Variants in SPAG17 observed in about 807,000 individuals in gnomAD.
SPAG17 encodes the protein sperm associated antigen 17.
A neutral mutation model predicts 273.6 loss-of-function variants in SPAG17; 169 were observed. The ratio of observed to expected loss-of-function variants is 0.62; its 90% CI spans 0.55 to 0.70. The LOEUF (loss-of-function observed/expected upper bound fraction) is 0.70. Among genes scored for constraint, SPAG17 ranks in the 30% least tolerant of loss-of-function variants. The pLI, the probability that SPAG17 is intolerant of heterozygous loss-of-function variation, is 0.00. For synonymous variants in SPAG17, 825 were observed against 873.2 expected (o/e 0.94, Z 0.97); for missense variants, 2,557 against 2,627.8 (o/e 0.97, Z 0.59).
At chr1:118,113,383 A>G (rs763338513) in intron 4 of SPAG17, among the ~76,000 whole-genome samples, 2 of 152,088 alleles carry the variant, frequency 1.3e-5, no homozygotes, top group Admixed American at 6.5e-5. Context: ...TCCTTGGCTG[A>G]CAAGCATTAA....
At chr1:118,116,521 C>T (rs909098892) in intron 3 of SPAG17, among the ~76,000 whole-genome samples, 8 of 152,176 alleles carry the variant, frequency 5.3e-5, no homozygotes, top group Non-Finnish European at 8.8e-5. Context: ...CTGCATCTCA[C>T]GGAGCTGTGT....
chr1:118,126,597 T>C (rs1003102142), intron 3 of SPAG17, among the ~76,000 whole-genome samples: 1 of 152,128 alleles, frequency 6.6e-6, no homozygotes, highest in African/African-American at 2.4e-5. Flanking sequence ...CTTTGTCAGA[T>C]GAATAATTTG....
At chr1:118,092,370 A>G (rs995213358) in intron 8 of SPAG17, among the ~76,000 whole-genome samples, 1 of 152,120 alleles carries the variant, frequency 6.6e-6, no homozygotes, top group Non-Finnish European at 1.5e-5. Flanking sequence ...GATATAAACC[A>G]GACTCTCAAC....
intron 41 of SPAG17, 83 bp downstream of exon 41, chr1:117,984,600 A>G: frequency 1.1e-6 from 1 of 873,582 alleles, no homozygotes. Context: ...CAGCATCAGG[A>G]AAGACAGATT....
At chr1:118,160,014 G>A (rs772085032) in intron 1 of SPAG17, among the ~76,000 whole-genome samples, 4 of 152,148 alleles carry the variant, frequency 2.6e-5, no homozygotes, top group Admixed American at 6.5e-5. Context: ...AAAAGGAAAC[G>A]AGCTTCTTTG....
At chr1:117,957,231 C>T (rs940514081) in intron 48 of SPAG17, 1 of 1,595,370 alleles carries the variant, frequency 6.3e-7, no homozygotes, top group Non-Finnish European at 8.5e-7. Flanking sequence ...CATGTCTGTT[C>T]AGCAGAACTG....
At chr1:118,133,157 T>A (rs533911701) in intron 3 of SPAG17, among the ~76,000 whole-genome samples, 97 of 152,166 alleles carry the variant, frequency 6.4e-4, no homozygotes, top group African/African-American at 2.3e-3. Flanking sequence ...CCTGAAGGCA[T>A]GAATATCCTC....
In SPAG17 at chr1:118,031,439, C is replaced by T. The variant is rs544159522; in HGVS notation, c.3609+253G>A. On this transcript the variant is annotated intron_variant, in intron 25 of 48. Transcript: ENST00000336338. ...GAAATAGAGTGGAAAAAAGGTTGAA[C>T]TAAGTTTTTCCAAACTTAGAATGAA... Among the ~76,000 whole-genome samples, 3 of 152,202 alleles carry T rather than the reference C, an allele frequency of 2.0e-5. No homozygotes were observed. In the East Asian group the frequency reaches 5.8e-4, roughly 29 times the overall value.
chr1:118,095,164 C>T (rs1408244049), intron 7 of SPAG17, among the ~76,000 whole-genome samples: 1 of 152,150 alleles, frequency 6.6e-6, no homozygotes, highest in Non-Finnish European at 1.5e-5. Context: ...ATAGCCACTA[C>T]CACTTTCTTT....
chr1:117,954,400 A>C (rs1651854275), intron 48 of SPAG17, among the ~76,000 whole-genome samples: 1 of 152,140 alleles, frequency 6.6e-6, no homozygotes, highest in Non-Finnish European at 1.5e-5. Context: ...ACATTGTCCA[A>C]GCTCATTCAT....
intron 3 of SPAG17, among the ~76,000 whole-genome samples, chr1:118,139,203 T>C (rs1390847436): frequency 6.6e-6 from 1 of 152,126 alleles, no homozygotes; most frequent in South Asian, 2.1e-4. Context: ...ACAACAGATA[T>C]ATGAACAATG....
At chr1:118,138,116 T>C (rs566480329) in intron 3 of SPAG17, among the ~76,000 whole-genome samples, 70 of 152,310 alleles carry the variant, frequency 4.6e-4, no homozygotes, top group Admixed American at 6.5e-4. Context: ...TGGCTGGAAG[T>C]TGTGAACAAT....
At chr1:118,117,728 C>A (rs1427468035) in intron 3 of SPAG17, among the ~76,000 whole-genome samples, 1 of 152,202 alleles carries the variant, frequency 6.6e-6, no homozygotes, top group Admixed American at 6.5e-5. Flanking sequence ...TGGAGGCAGA[C>A]TTGATGCGCC....
chr1:118,108,542 T>C (rs1656550297), intron 4 of SPAG17, among the ~76,000 whole-genome samples: 1 of 152,166 alleles, frequency 6.6e-6, no homozygotes, highest in Admixed American at 6.6e-5. Context: ...CATGTTCCCA[T>C]ACTAAGGTCA....
chr1:118,037,262 A>C (rs945969177), intron 23 of SPAG17, among the ~76,000 whole-genome samples: 3 of 152,226 alleles, frequency 2.0e-5, no homozygotes, highest in Non-Finnish European at 2.9e-5. Flanking sequence ...ACTTTTTTAC[A>C]TTTTAAAACA....
At chr1:117,962,561 G>C (rs1372888031) in intron 48 of SPAG17, 1 of 143,892 alleles carries the variant, frequency 6.9e-6, no homozygotes, top group Non-Finnish European at 1.5e-5. Context: ...AAAAAAAAAA[G>C]GCTCTTGAAT....
rs530413142 is a variant in SPAG17 at position 118,161,794 on chromosome 1, C to T, written c.88-10425G>A. Among the ~76,000 whole-genome samples the T allele has an allele frequency of 9.3e-4, 141 of 152,280 alleles. 1 individual carries two copies. The highest frequency in any genetic ancestry group is 3.2e-3 in the African/African-American group (131 of 41,560). On this transcript the variant is annotated intron_variant, in intron 1 of 48. Coordinates refer to ENST00000336338, the MANE Select transcript of SPAG17 (RefSeq NM_206996.4). ...TCATGATCTGCCTGCCTCGGCCTCC[C>T]AAAGTGCTGGGATTACAGGCGTGAG...
Position 118,039,463 on chromosome 1 carries a change from A to C in SPAG17, c.3167-19T>G, listed in dbSNP as rs770407556. On this transcript the variant is annotated intron_variant, in intron 22 of 48. Coordinates refer to ENST00000336338, the MANE Select transcript of SPAG17 (RefSeq NM_206996.4). ...GTTGGGCCTGAGGAGGAACCATAGA[A>C]TAGAAGATGGGCTGATTAGGATGCC... The C allele has an allele frequency of 1.2e-6, 2 of 1,612,368 alleles. No individual in the cohort carries two copies. The highest frequency in any genetic ancestry group is 1.7e-6 in the Non-Finnish European group (2 of 1,178,916).
At chr1:118,144,548 C>G (rs141887833) in intron 3 of SPAG17, among the ~76,000 whole-genome samples, 1 of 152,246 alleles carries the variant, frequency 6.6e-6, no homozygotes, top group African/African-American at 2.4e-5. Flanking sequence ...TGTTCCAAGT[C>G]TCATTATTTT....
Sources: allele counts gnomAD v4.1 joint callset (sites outside exome capture counted in the v4.1 genomes callset), GRCh38; gene constraint gnomAD v4.1.1; transcripts MANE v1.5; gene names NCBI Gene and HGNC (gene_info 2026-07-23, HGNC 2026-07-21).